BDP1: variants seen among roughly 807,000 people sequenced by gnomAD.
The protein encoded by BDP1 is transcription factor TFIIIB component B'' homolog.
In BDP1, 169 loss-of-function variants were observed where a neutral mutation model predicts 266.6. That is an observed-to-expected ratio of 0.63 (90% CI 0.56 to 0.72). The LOEUF (loss-of-function observed/expected upper bound fraction) is 0.72, where lower values mean the gene tolerates loss of function less well. Among genes scored for constraint, BDP1 ranks in the 30% least tolerant of loss-of-function variants. The pLI is 0.00. For synonymous variants in BDP1, 1,090 were observed against 1,022.4 expected, an observed-to-expected ratio of 1.07 and a Z score of -1.26; for missense variants, 3,015 against 3,053.8, an observed-to-expected ratio of 0.99 and a Z score of 0.30.
intron 34 of BDP1, among the ~76,000 whole-genome samples, chr5:71,550,976 G>T (rs1742700111): frequency 6.6e-6 from 1 of 152,138 alleles, no homozygotes; most frequent in South Asian, 2.1e-4. Context: ...AAAGTGTTGG[G>T]ATTACAGACG....
intron 7 of BDP1, among the ~76,000 whole-genome samples, chr5:71,477,810 G>T (rs553769153): frequency 2.3e-4 from 35 of 151,604 alleles, no homozygotes; most frequent in Admixed American, 7.9e-4. Context: ...TGTAGAGATG[G>T]GGTTTTGCCA....
chr5:71,570,477 G>C (rs1001868720), downstream of BDP1, among the ~76,000 whole-genome samples: 5 of 152,172 alleles, frequency 3.3e-5, no homozygotes, highest in African/African-American at 1.2e-4. Context: ...ATGGAGACTT[G>C]AGTTTGGTTC....
intron 9 of BDP1, 78 bp from the exon 10 acceptor site, chr5:71,489,326 T>C: frequency 9.6e-7 from 1 of 1,036,742 alleles, no homozygotes; most frequent in Non-Finnish European, 1.4e-6. Context: ...ACAGAGGACA[T>C]CTTTGAGTCT....
At chr5:71,508,700 T>A (rs1355639672) in intron 16 of BDP1, among the ~76,000 whole-genome samples, 1 of 152,212 alleles carries the variant, frequency 6.6e-6, no homozygotes, top group Non-Finnish European at 1.5e-5. Flanking sequence ...TAATAACTTT[T>A]CCTAACCAGT....
At chr5:71,546,617 C>CAAAAAAAAA (rs70992980) in intron 32 of BDP1, among the ~76,000 whole-genome samples, 1 of 57,766 alleles carries the variant, frequency 1.7e-5, no homozygotes, top group African/African-American at 7.6e-5. Context: ...GACTCTGTCT[C>CAAAAAAAAA]AAAAAAAAAA....
chr5:71,538,888 G>C (rs1351881446), intron 26 of BDP1, among the ~76,000 whole-genome samples, 154 bp from the exon 27 acceptor site: 1 of 152,172 alleles, frequency 6.6e-6, no homozygotes, highest in Non-Finnish European at 1.5e-5. Flanking sequence ...GTTCTTGCTG[G>C]TGAAATTTTG....
At chr5:71,532,186 T>C (rs773960609) in intron 25 of BDP1, 122 bp from the exon 26 acceptor site, 1 of 785,242 alleles carries the variant, frequency 1.3e-6, no homozygotes, top group Non-Finnish European at 1.9e-6. Context: ...TTTTAAGTTA[T>C]GTATGAATGT....
At chr5:71,523,079 A>G in intron 24 of BDP1, 130 bp downstream of exon 24, 1 of 628,120 alleles carries the variant, frequency 1.6e-6, no homozygotes, top group Non-Finnish European at 2.7e-6. Context: ...TTGACCAAAG[A>G]GGAGTATGTA....
chr5:71,551,538 G>A (rs371107388), intron 34 of BDP1, among the ~76,000 whole-genome samples: 7 of 151,828 alleles, frequency 4.6e-5, no homozygotes, highest in African/African-American at 1.2e-4. Context: ...GCAACCATCC[G>A]ATTTCTCAAT....
rs371448164 is a variant in BDP1 at position 71,501,337 on chromosome 5, G to A, written c.1957-225G>A. On this transcript the variant is annotated intron_variant, in intron 13 of 38. Coordinates refer to ENST00000358731, the MANE Select transcript of BDP1 (RefSeq NM_018429.3). ...ACTACAGGCACACGCTGCCATGCCT[G>A]GCTAATTTTTTGTATTTTAGTAGAG... Among the ~76,000 whole-genome samples the A allele has an allele frequency of 3.9e-5, 6 of 152,042 alleles. No individual in the cohort carries two copies. The South Asian group carries it at 1.2e-3, about 32-fold the overall frequency.
chr5:71,495,267 C>A lies in BDP1; in HGVS notation c.1658C>A (p.Thr553Lys). 1 of 1,574,102 alleles carries A rather than the reference C, an allele frequency of 6.4e-7. No homozygotes were observed. Among genetic ancestry groups the A allele is most frequent in the Non-Finnish European group, 8.6e-7 (1 of 1,159,624 alleles). ...TTTTTTAGTAATCAACAAGATGCCA[C>A]ATCAGTAGCAACTGAGTCTTCAGAA... is the stretch of plus-strand genomic sequence containing the variant. ...ILSLSNQQDA[T>K]SVATESSESS... Residue 553 changes from threonine to lysine, a missense_variant, in exon 12 of 39, where the codon ACA becomes AAA. Transcript: ENST00000358731.
intron 4 of BDP1, among the ~76,000 whole-genome samples, chr5:71,465,423 G>T (rs1021094862): frequency 1.3e-5 from 2 of 151,908 alleles, no homozygotes; most frequent in Non-Finnish European, 2.9e-5. Flanking sequence ...CACCATGCTG[G>T]GCTAATTTTT....
rs185411334 is a variant in BDP1 at position 71,560,082 on chromosome 5, A to T, written c.7341A>T (p.Arg2447Ser). ...AAGTTGAAGCAGCTTTTCAGAGTAG[A>T]GGATCTAGATCTCCTGATGCATGCA... ...RQQVEAAFQS[R>S]GSRSPDACMD... is the part of the protein sequence containing the mutation. The change falls in exon 37 of 39, where the codon AGA (arginine) becomes AGT (serine). Residue 2447 changes from arginine to serine, a missense_variant. By Grantham distance (110) the Arg-to-Ser change is moderately radical. Around this residue, in one of 3 missense-constraint regions of BDP1, gnomAD observed 629 missense variants for 632.5 expected, o/e 0.99. Transcript: ENST00000358731. 1 of 1,614,126 alleles carries T rather than the reference A, an allele frequency of 6.2e-7. No individual in the cohort carries two copies. Among genetic ancestry groups the T allele is most frequent in the African/African-American group, 1.3e-5 (1 of 75,058 alleles).
At position 71,489,484 on chromosome 5, in the gene BDP1, CAG is replaced by C. The variant is rs755369142; in HGVS notation, c.1296_1297del (p.Lys433GlyfsTer6). On this transcript the variant is annotated frameshift_variant, in exon 10 of 39. Transcript: ENST00000358731. LOFTEE classifies it high-confidence loss of function. ...TAGAATTTCAGACACGGAAAGATCTCAGAAGGATGCTCAGACAGTTGAAGAAG... is the reference window on the plus strand; with the variant it reads ...TAGAATTTCAGACACGGAAAGATCTCAAGGATGCTCAGACAGTTGAAGAAG... ...SSRISDTERS[Q>X]KDAQTVEEES... 6.2e-7 allele frequency: 1 copy of C among 1,613,962 alleles called. No homozygotes were observed. The highest frequency in any genetic ancestry group is 2.2e-5 in the East Asian group (1 of 44,864).
intron 38 of BDP1, among the ~76,000 whole-genome samples, chr5:71,563,757 C>A (rs937678509): frequency 4.6e-5 from 7 of 152,138 alleles, no homozygotes; most frequent in Non-Finnish European, 1.0e-4. Context: ...TACCAAAATA[C>A]AAAATTTAAT....
intron 16 of BDP1, among the ~76,000 whole-genome samples, chr5:71,507,557 C>T (rs2432059): frequency 0.45 from 68,320 of 152,028 alleles, 15,714 homozygotes; most frequent in South Asian, 0.55. Flanking sequence ...TTAAATAATA[C>T]GCCTGTTTTC....
At chr5:71,505,693 G>A (rs1033457187) in intron 16 of BDP1, among the ~76,000 whole-genome samples, 2 of 152,166 alleles carry the variant, frequency 1.3e-5, no homozygotes, top group Non-Finnish European at 2.9e-5. Flanking sequence ...TCTTACAGCT[G>A]TATTAGCCTA....
chr5:71,500,811 A>T (rs932082758), intron 13 of BDP1, among the ~76,000 whole-genome samples: 2 of 152,226 alleles, frequency 1.3e-5, no homozygotes, highest in African/African-American at 2.4e-5. Flanking sequence ...TAAAAAAAAA[A>T]AATGTACATC....
At chr5:71,502,544 G>A (rs1764313184) in intron 14 of BDP1, 55 bp from the exon 15 acceptor site, 2 of 1,401,758 alleles carry the variant, frequency 1.4e-6, no homozygotes, top group Non-Finnish European at 1.9e-6. Flanking sequence ...ATGCCAGGGA[G>A]AAGGAAATTG....
Sources: allele counts gnomAD v4.1 joint callset (sites outside exome capture counted in the v4.1 genomes callset), GRCh38; gene constraint gnomAD v4.1.1; regional missense constraint gnomAD v4.1.1; transcripts MANE v1.5; gene names NCBI Gene and HGNC (gene_info 2026-07-23, HGNC 2026-07-21).